The following TFAP2A variants were observed in gnomAD, a reference collection of about 807,000 sequenced individuals.
TFAP2A encodes transcription factor AP-2-alpha.
Under a neutral mutation model 41.5 loss-of-function variants are expected in TFAP2A, and 7 were observed. The observed-to-expected ratio is 0.17, with a 90% confidence interval of 0.10 to 0.32. The LOEUF is 0.32. Ranked by LOEUF, TFAP2A falls within the 10% of genes least tolerant of loss-of-function variation. The probability of loss-of-function intolerance (pLI) is 1.00; values close to 1 mark genes in which losing one functional copy is unlikely to be tolerated. For missense variants in TFAP2A, 416 were observed against 563.3 expected, an observed-to-expected ratio of 0.74 and a Z score of 2.65; for synonymous variants, 247 against 242.8, an observed-to-expected ratio of 1.02 and a Z score of -0.16.
In TFAP2A at chr6:10,398,549, C is replaced by A. The variant is rs765909703; in HGVS notation, c.1188G>T (p.Ala396=). The part of the protein sequence containing the change: ...HGFGSPAVCA[A]VTALQNYLTE... ...TGAGATAGTTCTGCAGGGCCGTGAC[C>A]GCGGCACACACCGCGGGGCTGCCGA... Residue 396 remains alanine, a synonymous_variant, in exon 7 of 7, where the codon GCG becomes GCT. Transcript: ENST00000379613. The surrounding 1 kb of genome is among the most constrained non-coding windows in gnomAD (Gnocchi z 5.3). 6.8e-6 allele frequency: 11 copies of A among 1,614,042 alleles called. No individual in the cohort carries two copies. Among genetic ancestry groups the A allele is most frequent in the Non-Finnish European group, 8.5e-6 (10 of 1,180,044 alleles).
intron 3 of TFAP2A, chr6:10,406,258 A>G (rs1291727915): frequency 6.4e-6 from 1 of 156,950 alleles, no homozygotes; most frequent in Non-Finnish European, 1.4e-5. Context: ...TATTCCTCCC[A>G]TCTTCAAGAT....
intron 1 of TFAP2A, among the ~76,000 whole-genome samples, chr6:10,414,029 C>T (rs1278524080): frequency 6.6e-6 from 1 of 152,232 alleles, no homozygotes; most frequent in Non-Finnish European, 1.5e-5. Flanking sequence ...CTAGGGTCTC[C>T]CTTGCTGCCT....
intron 3 of TFAP2A, 43 bp downstream of exon 3, chr6:10,406,750 T>C (rs1191877780): frequency 6.5e-7 from 1 of 1,536,322 alleles, no homozygotes. Flanking sequence ...AATAGCACTC[T>C]GCCTGTAAGG....
At chr6:10,406,157 AT>A (rs1757706328) in intron 3 of TFAP2A, 1 of 152,444 alleles carries the variant, frequency 6.6e-6, no homozygotes, top group South Asian at 2.1e-4. Context: ...AGTAAACTTT[AT>A]TTCTACTCAC....
At chr6:10,411,389 CT>C (rs1464032442) in intron 1 of TFAP2A, among the ~76,000 whole-genome samples, 1 of 151,598 alleles carries the variant, frequency 6.6e-6, no homozygotes, top group Non-Finnish European at 1.5e-5. Context: ...GGGTAATGCA[CT>C]CGATTTAGGG....
At chr6:10,414,411 C>T (rs570660862) in intron 1 of TFAP2A, among the ~76,000 whole-genome samples, 21 of 151,488 alleles carry the variant, frequency 1.4e-4, no homozygotes, top group Non-Finnish European at 2.4e-4. Context: ...GTGGGGGGGC[C>T]GTCTCTAAAG....
chr6:10,404,570 C>A lies in TFAP2A; in HGVS notation c.708G>T (p.Val236=). The A allele has an allele frequency of 6.2e-7, 1 of 1,614,082 alleles. No individual in the cohort carries two copies. The highest frequency in any genetic ancestry group is 8.5e-7 in the Non-Finnish European group (1 of 1,179,968). Residue 236 remains valine (V), a synonymous_variant, in exon 4 of 7, where the codon GTG becomes GTT. Coordinates refer to ENST00000379613, the MANE Select transcript of TFAP2A (RefSeq NM_001372066.1). ...ACTCGGGTGGTGAGAGCCGCCGCTG[C>A]ACTTCCGCCACCGTGACCTTGTACT... ...TSKYKVTVAE[V]QRRLSPPECL... is the part of the protein sequence containing the mutation.
At chr6:10,410,419 C>G in intron 1 of TFAP2A, 84 bp from the exon 2 acceptor site, 2 of 1,418,054 alleles carry the variant, frequency 1.4e-6, no homozygotes, top group Non-Finnish European at 1.9e-6. Flanking sequence ...CTTGACAAGT[C>G]TGCGTGGGAA....
At chr6:10,404,239 C>G (rs936355556) in intron 4 of TFAP2A, among the ~76,000 whole-genome samples, 3 of 152,246 alleles carry the variant, frequency 2.0e-5, no homozygotes, top group Admixed American at 1.3e-4. Context: ...GAGCGGAGGA[C>G]TCCGCGAGCG....
Position 10,397,665 on chromosome 6 carries a change from A to C in TFAP2A, c.*752T>G. 1 of 194,666 alleles carries C rather than the reference A, an allele frequency of 5.1e-6. No homozygotes were observed. The highest frequency in any genetic ancestry group is 9.4e-6 in the Non-Finnish European group (1 of 106,802). 12.1% of individuals were successfully genotyped at this position (194,666 alleles called of 1,614,324 possible). A position where few individuals can be genotyped will look rare whatever the true frequency, so the allele number is the denominator to read the frequency against. On this transcript the variant is annotated 3_prime_UTR_variant, in exon 7 of 7. Coordinates refer to ENST00000379613, the MANE Select transcript of TFAP2A (RefSeq NM_001372066.1). ...GGTAAACAAGATCAGATAAATAAAA[A>C]AAAAAAGGCTTAAAACAGACTCACC...
chr6:10,401,166 G>A (rs1050898412), intron 5 of TFAP2A, among the ~76,000 whole-genome samples: 2 of 152,182 alleles, frequency 1.3e-5, no homozygotes. Flanking sequence ...CCGGAAGAAC[G>A]CATGCGCCAA....
chr6:10,411,558 G>C (rs200924352), intron 1 of TFAP2A: 1 of 1,613,978 alleles, frequency 6.2e-7, no homozygotes, highest in African/African-American at 1.3e-5. Context: ...CGGGGGTGGG[G>C]ATGGGACTCA....
intron 6 of TFAP2A, among the ~76,000 whole-genome samples, chr6:10,399,335 T>C (rs570848215): frequency 3.3e-5 from 5 of 152,356 alleles, no homozygotes; most frequent in Non-Finnish European, 7.3e-5. Flanking sequence ...TTCAAAGTAG[T>C]GTTTGGGAAG....
At chr6:10,411,466 G>A in intron 1 of TFAP2A, 1 of 1,605,430 alleles carries the variant, frequency 6.2e-7, no homozygotes, top group Non-Finnish European at 8.5e-7. Flanking sequence ...GTGTCCTGAA[G>A]GAAAGCTGGG....
Position 10,398,093 on chromosome 6 carries a change from A to G in TFAP2A, c.*324T>C, listed in dbSNP as rs1470109641. 7.6e-6 allele frequency: 9 copies of G among 1,191,612 alleles called. No individual in the cohort carries two copies. The highest frequency in any genetic ancestry group is 9.4e-6 in the Non-Finnish European group (9 of 959,946). The allele number at this position is 1,191,612 out of a possible 1,614,324, so 73.8% of individuals were successfully genotyped here. ...ATTTGTTGTTTTGTTTAAAAAAAAA[A>G]GGGTTCACAAACTTGGCAGAACTTT... On this transcript the variant is annotated 3_prime_UTR_variant, in exon 7 of 7. Transcript: ENST00000379613. This position sits in a 1 kb window ranked among gnomAD's most constrained non-coding sequence, Gnocchi z 5.3.
Position 10,407,038 on chromosome 6 carries a change from C to T in TFAP2A, c.487-194G>A, listed in dbSNP as rs183272407. 4.9e-6 allele frequency: 3 copies of T among 608,374 alleles called. No individual in the cohort carries two copies. In the East Asian group the frequency reaches 8.4e-5, roughly 17 times the overall value. The allele number at this position is 608,374 out of a possible 1,614,324, so 37.7% of individuals were successfully genotyped here. On this transcript the variant is annotated intron_variant, in intron 2 of 6. Transcript: ENST00000379613. The stretch of plus-strand genomic sequence containing the variant: ...GCAACTCAAGAGGTTTCACTGCACA[C>T]CCATGGCCAATTTCTCCTCCTCCAG...
rs61554516 is a variant in TFAP2A at position 10,414,468 on chromosome 6, T to A, written c.51+473A>T. 9.1e-3 allele frequency: 2,174 copies of A among 237,788 alleles called. 40 individuals are homozygous for A. The highest frequency in any genetic ancestry group is 0.044 in the African/African-American group (1,742 of 39,910). The allele number at this position is 237,788 out of a possible 1,614,324, so 14.7% of individuals were successfully genotyped here. Reference sequence around the variant, plus strand: ...AAGTGGGGGTGGGGGGAAGAAAGAATGAATGAATGAATGAATGAATGAATA... The same window carrying A: ...AAGTGGGGGTGGGGGGAAGAAAGAAAGAATGAATGAATGAATGAATGAATA... On this transcript the variant is annotated intron_variant, in intron 1 of 6. Coordinates refer to ENST00000379613, the MANE Select transcript of TFAP2A (RefSeq NM_001372066.1).
At chr6:10,414,291 A>C (rs907666498) in intron 1 of TFAP2A, among the ~76,000 whole-genome samples, 2 of 152,136 alleles carry the variant, frequency 1.3e-5, no homozygotes, top group Non-Finnish European at 2.9e-5. Context: ...GGGAGAAGCT[A>C]CTTAGAACTT....
intron 6 of TFAP2A, among the ~76,000 whole-genome samples, chr6:10,399,164 A>T (rs1435174811): frequency 6.6e-6 from 1 of 152,262 alleles, no homozygotes; most frequent in Non-Finnish European, 1.5e-5. Context: ...AGACCTCAGC[A>T]GCAGTTTGTA....
Sources: gnomAD v4.1 joint callset for allele counts (sites outside exome capture counted in the v4.1 genomes callset) on GRCh38, gnomAD v4.1.1 for gene constraint, Gnocchi (gnomAD v3.1) non-coding constraint, MANE v1.5 for transcripts, NCBI Gene and HGNC (gene_info 2026-07-23, HGNC 2026-07-21) for gene names.